The following RNLS variants were observed in gnomAD, a reference collection of about 807,000 sequenced individuals.
RNLS encodes the protein renalase.
Under a neutral mutation model 39.8 loss-of-function variants are expected in RNLS, and 39 were observed. That is an observed-to-expected ratio of 0.98 (90% CI 0.76 to 1.28). The LOEUF is 1.28. Ranked by LOEUF, RNLS falls within the 50% of genes most tolerant of loss-of-function variation. The pLI is 0.00. For synonymous variants in RNLS, 147 were observed against 150.7 expected, an observed-to-expected ratio of 0.98 and a Z score of 0.18; for missense variants, 410 against 413.3, an observed-to-expected ratio of 0.99 and a Z score of 0.07.
intron 4 of RNLS, among the ~76,000 whole-genome samples, chr10:88,566,623 A>C (rs1849514771): frequency 6.6e-6 from 1 of 152,198 alleles, no homozygotes; most frequent in South Asian, 2.1e-4. Flanking sequence ...ACCTCAAGGA[A>C]GGGGCCAAAA....
the RNLS span, among the ~76,000 whole-genome samples, chr10:88,209,347 G>T: frequency 2.6e-5 from 4 of 152,082 alleles, no homozygotes; most frequent in African/African-American, 9.7e-5. Context: ...TATGACTGGT[G>T]TCTCATATAA....
chr10:88,569,562 A>G (rs939330606), intron 4 of RNLS, among the ~76,000 whole-genome samples: 1 of 152,220 alleles, frequency 6.6e-6, no homozygotes, highest in African/African-American at 2.4e-5. Context: ...AAAATAAGTA[A>G]GTTGATAAAA....
At chr10:88,514,539 A>G (rs1470120624) in intron 4 of RNLS, among the ~76,000 whole-genome samples, 1 of 152,122 alleles carries the variant, frequency 6.6e-6, no homozygotes, top group Non-Finnish European at 1.5e-5. Context: ...CATAATGGAA[A>G]TTTTATACAC....
intron 4 of RNLS, among the ~76,000 whole-genome samples, chr10:88,390,991 T>A (rs1291959706): frequency 1.3e-5 from 2 of 152,244 alleles, no homozygotes; most frequent in African/African-American, 4.8e-5. Context: ...GTAAACTAAC[T>A]GAAGACTATA....
chr10:88,581,292 G>GTATATATATATATATATA (rs1362971821), intron 3 of RNLS, among the ~76,000 whole-genome samples: 15 of 122,030 alleles, frequency 1.2e-4, no homozygotes, highest in Non-Finnish European at 2.3e-4. Context: ...GTGTGTGTGT[G>GTATATATATATATATATA]TGTATATATA....
chr10:88,421,668 T>A (rs1392515713), intron 4 of RNLS, among the ~76,000 whole-genome samples: 1 of 152,202 alleles, frequency 6.6e-6, no homozygotes, highest in Non-Finnish European at 1.5e-5. Context: ...CCCCATTACA[T>A]GTATGATCAG....
At chr10:88,337,030 C>T (rs1305251912) in intron 5 of RNLS, among the ~76,000 whole-genome samples, 2 of 152,028 alleles carry the variant, frequency 1.3e-5, no homozygotes, top group East Asian at 3.9e-4. Flanking sequence ...CAAGGCTGGG[C>T]CTGAGAGATG....
rs1843163729 is a variant in RNLS, at chr10:88,284,916, A to C, written c.*438T>G. The C allele has an allele frequency of 8.1e-6, 8 of 985,886 alleles. No individual in the cohort carries two copies. Among genetic ancestry groups the C allele is most frequent in the Non-Finnish European group, 9.6e-6 (8 of 830,238 alleles). The allele number at this position is 985,886 out of a possible 1,614,324, so 61.1% of individuals were successfully genotyped here. A position where few individuals can be genotyped will look rare whatever the true frequency, so the allele number is the denominator to read the frequency against. ...ATTTTGGAAAAATCTTGTTTTGTAT[A>C]ATTTGCAAAAATATTGATTCAAGGA... On this transcript the variant is annotated 3_prime_UTR_variant, in exon 7 of 7. Coordinates refer to ENST00000331772, the MANE Select transcript of RNLS (RefSeq NM_001031709.3).
At chr10:88,409,620 T>C (rs941069839) in intron 4 of RNLS, among the ~76,000 whole-genome samples, 6 of 152,232 alleles carry the variant, frequency 3.9e-5, no homozygotes, top group African/African-American at 1.4e-4. Context: ...TATAAAATAG[T>C]GGAGCCAAAT....
intron 4 of RNLS, among the ~76,000 whole-genome samples, chr10:88,541,309 C>A (rs1848030074): frequency 6.6e-6 from 1 of 152,166 alleles, no homozygotes; most frequent in Non-Finnish European, 1.5e-5. Context: ...GTCTTAACTC[C>A]TTTTCACTAC....
the RNLS span, among the ~76,000 whole-genome samples, chr10:88,253,510 A>C: frequency 1.3e-5 from 2 of 152,186 alleles, no homozygotes; most frequent in East Asian, 3.8e-4. Context: ...TTTCTATAGA[A>C]ACATTTCTAT....
At chr10:88,273,669 C>T (rs796486558), downstream of RNLS, among the ~76,000 whole-genome samples, 17 of 152,168 alleles carry the variant, frequency 1.1e-4, no homozygotes, top group African/African-American at 4.1e-4. Flanking sequence ...CGTCTGCATC[C>T]TGGATTATTT....
intron 4 of RNLS, among the ~76,000 whole-genome samples, chr10:88,444,358 A>G (rs886400102): frequency 3.3e-5 from 5 of 152,200 alleles, no homozygotes; most frequent in African/African-American, 1.2e-4. Context: ...AGATAAAACC[A>G]CAAAGATAGG....
chr10:88,529,778 A>AAG, intron 4 of RNLS, among the ~76,000 whole-genome samples: 1 of 152,338 alleles, frequency 6.6e-6, no homozygotes, highest in South Asian at 2.1e-4. Context: ...ATCATCACTC[A>AAG]GCCTTAACAA....
At chr10:88,268,624 AAATGATGCC>A in the RNLS span, among the ~76,000 whole-genome samples, 2 of 152,216 alleles carry the variant, frequency 1.3e-5, no homozygotes, top group Admixed American at 6.5e-5. Flanking sequence ...TTCAGAGCTC[AAATGATGCC>A]ATCAGGTCTC....
At chr10:88,499,982 G>T (rs1845383451) in intron 4 of RNLS, among the ~76,000 whole-genome samples, 1 of 152,078 alleles carries the variant, frequency 6.6e-6, no homozygotes, top group African/African-American at 2.4e-5. Context: ...TTCTTCTACT[G>T]GCAGGTGAGG....
intron 4 of RNLS, among the ~76,000 whole-genome samples, chr10:88,405,283 T>C (rs1173038908): frequency 6.6e-6 from 1 of 152,040 alleles, no homozygotes; most frequent in Non-Finnish European, 1.5e-5. Context: ...CATTTCCTTC[T>C]CTGATTATTT....
intron 4 of RNLS, among the ~76,000 whole-genome samples, chr10:88,479,327 C>A (rs927486066): frequency 6.6e-6 from 1 of 152,170 alleles, no homozygotes; most frequent in Non-Finnish European, 1.5e-5. Flanking sequence ...TAAACCTTGG[C>A]AGCTAGAGTG....
chr10:88,234,758 A>C, the RNLS span, among the ~76,000 whole-genome samples: 89 of 152,292 alleles, frequency 5.8e-4, no homozygotes, highest in African/African-American at 2.1e-3. Context: ...AGGCAGAACA[A>C]AGTCGGTATT....
Sources: allele counts gnomAD v4.1 joint callset (sites outside exome capture counted in the v4.1 genomes callset), GRCh38; gene constraint gnomAD v4.1.1; transcripts MANE v1.5; gene names NCBI Gene and HGNC (gene_info 2026-07-23, HGNC 2026-07-21).